The following FNDC3B variants were observed in gnomAD, a reference collection of about 807,000 sequenced individuals.
FNDC3B encodes the protein fibronectin type III domain-containing protein 3B.
A neutral mutation model predicts 151.5 loss-of-function variants in FNDC3B; 12 were observed. The ratio of observed to expected loss-of-function variants is 0.08; its 90% CI spans 0.05 to 0.13. The LOEUF is 0.13. Among genes scored for constraint, FNDC3B ranks in the 10% least tolerant of loss-of-function variants. The pLI is 1.00. For missense variants in FNDC3B, 1,214 were observed against 1,505.3 expected (o/e 0.81, Z 3.20); for synonymous variants, 528 against 549.0 (o/e 0.96, Z 0.54).
rs368236274 is a variant in FNDC3B at position 172,191,934 on chromosome 3, T to C, written c.188-34937T>C. Among the ~76,000 whole-genome samples the C allele has an allele frequency of 3.3e-4, 50 of 152,294 alleles. No individual in the cohort carries two copies. The East Asian group carries it at 4.4e-3, about 14-fold the overall frequency. On this transcript the variant is annotated intron_variant, in intron 3 of 25. Coordinates refer to ENST00000415807, the MANE Select transcript of FNDC3B (RefSeq NM_022763.4). ...TCTGGGCTTAGTGGGACAAATGCAG[T>C]GTCTGGTGGTGTATGCCATGGCCCT... is the stretch of plus-strand genomic sequence containing the variant.
intron 3 of FNDC3B, among the ~76,000 whole-genome samples, chr3:172,182,489 G>C (rs535207801): frequency 2.3e-4 from 35 of 152,278 alleles, no homozygotes; most frequent in African/African-American, 8.2e-4. Flanking sequence ...TGTCTATTTT[G>C]GTTGTCCGCT....
chr3:172,176,047 G>C (rs554298043), intron 3 of FNDC3B, among the ~76,000 whole-genome samples: 1 of 152,338 alleles, frequency 6.6e-6, no homozygotes, highest in East Asian at 1.9e-4. Context: ...ATATTGGTTA[G>C]AGCAATAAAA....
intron 19 of FNDC3B, chr3:172,346,105 T>TA (rs1733601518): frequency 3.5e-6 from 1 of 283,834 alleles, no homozygotes; most frequent in African/African-American, 2.2e-5. Context: ...ATTTTACAAT[T>TA]AAAAAAATGA....
intron 7 of FNDC3B, among the ~76,000 whole-genome samples, chr3:172,293,302 G>T (rs1179262117): frequency 6.6e-6 from 1 of 152,116 alleles, no homozygotes; most frequent in Admixed American, 6.5e-5. Context: ...TGGAGGTTTG[G>T]TCACAGCATC....
intron 23 of FNDC3B, among the ~76,000 whole-genome samples, chr3:172,363,304 A>G (rs573437451): frequency 6.6e-6 from 1 of 152,336 alleles, no homozygotes; most frequent in South Asian, 2.1e-4. Flanking sequence ...CTCTGTAACT[A>G]TGGGCAATGC....
At chr3:172,226,036 G>A (rs532695381) in intron 3 of FNDC3B, among the ~76,000 whole-genome samples, 1 of 151,996 alleles carries the variant, frequency 6.6e-6, no homozygotes, top group Non-Finnish European at 1.5e-5. Flanking sequence ...GACCTGGCAC[G>A]GTGGCTCACA....
At chr3:172,052,043 A>G (rs1429777059) in intron 1 of FNDC3B, among the ~76,000 whole-genome samples, 1 of 151,792 alleles carries the variant, frequency 6.6e-6, no homozygotes, top group Non-Finnish European at 1.5e-5. Context: ...GATTTGTGGT[A>G]GTTTTAAATG....
intron 1 of FNDC3B, among the ~76,000 whole-genome samples, chr3:172,068,251 G>A (rs1387710856): frequency 6.6e-6 from 1 of 152,190 alleles, no homozygotes; most frequent in Admixed American, 6.5e-5. Context: ...CTGATGCTCT[G>A]CCGAGTGAAT....
intron 9 of FNDC3B, among the ~76,000 whole-genome samples, chr3:172,306,078 A>AT (rs1731181763): frequency 6.6e-6 from 1 of 152,226 alleles, no homozygotes; most frequent in East Asian, 1.9e-4. Flanking sequence ...AGACATATCT[A>AT]TTAGTGCCTT....
At chr3:172,209,882 C>T (rs538435284) in intron 3 of FNDC3B, among the ~76,000 whole-genome samples, 1 of 152,392 alleles carries the variant, frequency 6.6e-6, no homozygotes, top group East Asian at 1.9e-4. Flanking sequence ...CGTTGGTGCC[C>T]AACGTCTGGA....
At chr3:172,115,463 A>T (rs1720199439) in intron 2 of FNDC3B, among the ~76,000 whole-genome samples, 1 of 152,150 alleles carries the variant, frequency 6.6e-6, no homozygotes, top group Non-Finnish European at 1.5e-5. Context: ...GCACCTGCTG[A>T]TGTTTGCTGC....
chr3:172,189,839 C>T (rs1401292909), intron 3 of FNDC3B, among the ~76,000 whole-genome samples: 4 of 141,032 alleles, frequency 2.8e-5, no homozygotes, highest in Non-Finnish European at 6.1e-5. Flanking sequence ...AAAATCATGT[C>T]ATTCAGTCAT....
At chr3:172,045,191 A>G (rs1446078899) in intron 1 of FNDC3B, among the ~76,000 whole-genome samples, 1 of 152,220 alleles carries the variant, frequency 6.6e-6, no homozygotes, top group African/African-American at 2.4e-5. Context: ...GTGCTTGGAC[A>G]GTTTGAAAAA....
Position 172,344,096 on chromosome 3 carries a change from A to G in FNDC3B, c.2088A>G (p.Ala696=), listed in dbSNP as rs752030947. 11 of 1,610,466 alleles carry G rather than the reference A, an allele frequency of 6.8e-6. No individual in the cohort carries two copies. Among genetic ancestry groups the G allele is most frequent in the South Asian group, 1.1e-5 (1 of 90,602 alleles). The change falls in exon 19 of 26, where the codon GCA becomes GCG. Residue 696 remains alanine (A), a synonymous_variant. Coordinates refer to ENST00000415807, the MANE Select transcript of FNDC3B (RefSeq NM_022763.4). The part of the protein sequence containing the change: ...KEVHLEWDVP[A]SESGCEVSEY... ...ATTCTTCATTCCCAGATGTTCCTGC[A>G]TCGGAAAGTGGCTGTGAGGTCTCAG...
At chr3:172,250,081 T>A (rs1727990246) in intron 5 of FNDC3B, among the ~76,000 whole-genome samples, 1 of 152,222 alleles carries the variant, frequency 6.6e-6, no homozygotes, top group Non-Finnish European at 1.5e-5. Context: ...GGACCCAATC[T>A]TTATGTTACG....
Position 172,247,558 on chromosome 3 carries a change from G to T in FNDC3B, c.290G>T (p.Arg97Leu). Reference sequence around the variant, plus strand: ...GTGATTGAAGATAGTACTGGAGTCCGCCGGGTGGTGGTCACACCCCAGTCT... The same window carrying T: ...GTGATTGAAGATAGTACTGGAGTCCTCCGGGTGGTGGTCACACCCCAGTCT... ...SQVIEDSTGVRRVVVTPQSPE... is the reference protein window; with the variant it reads ...SQVIEDSTGVLRVVVTPQSPE... Residue 97 changes from arginine to leucine, a missense_variant, in exon 5 of 26, where the codon CGC becomes CTC. Transcript: ENST00000415807. 1.2e-6 allele frequency: 2 copies of T among 1,613,848 alleles called. No homozygotes were observed. The highest frequency in any genetic ancestry group is 1.1e-5 in the South Asian group (1 of 91,052).
intron 3 of FNDC3B, among the ~76,000 whole-genome samples, chr3:172,176,013 G>A (rs1249037378): frequency 2.0e-5 from 3 of 152,316 alleles, no homozygotes; most frequent in African/African-American, 2.4e-5. Flanking sequence ...CTCAGCATAG[G>A]TGTGCAAGCC....
chr3:172,249,719 A>G (rs1236552736), intron 5 of FNDC3B, among the ~76,000 whole-genome samples: 1 of 152,178 alleles, frequency 6.6e-6, no homozygotes, highest in Non-Finnish European at 1.5e-5. Flanking sequence ...GTTTCTTTGG[A>G]TACACACTCT....
chr3:172,366,095 A>T (rs1246448735), intron 23 of FNDC3B, among the ~76,000 whole-genome samples: 2 of 152,068 alleles, frequency 1.3e-5, no homozygotes, highest in African/African-American at 4.8e-5. Flanking sequence ...TGCTATTCAT[A>T]AAAAAATAAG....
Sources: gnomAD v4.1 joint callset for allele counts (sites outside exome capture counted in the v4.1 genomes callset) on GRCh38, gnomAD v4.1.1 for gene constraint, MANE v1.5 for transcripts, NCBI Gene and HGNC (gene_info 2026-07-23, HGNC 2026-07-21) for gene names.